SLC15A1: variants seen among roughly 807,000 people sequenced by gnomAD.
SLC15A1 encodes solute carrier family 15 member 1.
SLC15A1 carries 83 observed loss-of-function variants against 92.9 expected under a neutral mutation model. That is an observed-to-expected ratio of 0.89 (90% CI 0.75 to 1.07). The LOEUF (loss-of-function observed/expected upper bound fraction) is 1.07, where lower values mean the gene tolerates loss of function less well. Among genes scored for constraint, SLC15A1 ranks in the 50% least tolerant of loss-of-function variants. SLC15A1 has a pLI of 0.00. For missense variants in SLC15A1, 857 were observed against 880.1 expected (o/e 0.97, Z 0.33); for synonymous variants, 322 against 318.2 (o/e 1.01, Z -0.13).
At chr13:98,739,998 G>A (rs2088430261) in intron 1 of SLC15A1, among the ~76,000 whole-genome samples, 1 of 152,110 alleles carries the variant, frequency 6.6e-6, no homozygotes, top group Admixed American at 6.5e-5. Flanking sequence ...CCCCTCCAGG[G>A]TCAATTACAT....
intron 16 of SLC15A1, 63 bp from the exon 17 acceptor site, chr13:98,704,498 G>A (rs529725719): frequency 2.7e-5 from 39 of 1,435,734 alleles, no homozygotes; most frequent in South Asian, 4.0e-5. Flanking sequence ...GCAACTGAAC[G>A]CTGGAAGAGC....
At chr13:98,744,526 A>G (rs1412373508) in intron 1 of SLC15A1, among the ~76,000 whole-genome samples, 1 of 151,826 alleles carries the variant, frequency 6.6e-6, no homozygotes, top group Non-Finnish European at 1.5e-5. Flanking sequence ...CGAGGCGGGC[A>G]GATCATGAGG....
At chr13:98,732,201 C>T (rs2088356537) in intron 1 of SLC15A1, among the ~76,000 whole-genome samples, 1 of 152,162 alleles carries the variant, frequency 6.6e-6, no homozygotes, top group Non-Finnish European at 1.5e-5. Context: ...TGCTAGTAAA[C>T]CTCAGAGGCA....
chr13:98,720,942 C>T (rs1280803073), intron 7 of SLC15A1: 1 of 360,140 alleles, frequency 2.8e-6, no homozygotes, highest in East Asian at 7.3e-5. Context: ...GTCCCAGCTA[C>T]TCAGGAGGCT....
intron 1 of SLC15A1, among the ~76,000 whole-genome samples, chr13:98,730,352 G>A (rs1466835780): frequency 1.3e-5 from 2 of 151,722 alleles, no homozygotes; most frequent in African/African-American, 4.8e-5. Flanking sequence ...GAAATACACT[G>A]TACTGGTTTC....
At chr13:98,719,817 C>T (rs1766892073) in intron 7 of SLC15A1, among the ~76,000 whole-genome samples, 1 of 152,144 alleles carries the variant, frequency 6.6e-6, no homozygotes, top group Admixed American at 6.5e-5. Context: ...CTACTTAACC[C>T]CACCTTTGCA....
chr13:98,750,975 G>A (rs2088540539), intron 1 of SLC15A1, among the ~76,000 whole-genome samples: 2 of 151,830 alleles, frequency 1.3e-5, no homozygotes, highest in Admixed American at 1.3e-4. Context: ...GGTTGGTCTC[G>A]AACTCCTGAC....
intron 1 of SLC15A1, among the ~76,000 whole-genome samples, chr13:98,731,426 C>A (rs1488669881): frequency 1.3e-5 from 2 of 152,222 alleles, no homozygotes; most frequent in Non-Finnish European, 2.9e-5. Context: ...ACGGCAACAG[C>A]ACGTTATGCT....
intron 15 of SLC15A1, 47 bp downstream of exon 15, chr13:98,708,639 C>A (rs2088134612): frequency 6.5e-7 from 1 of 1,533,158 alleles, no homozygotes; most frequent in Non-Finnish European, 9.0e-7. Flanking sequence ...GAACGCTCCA[C>A]CTAAATCCAC....
rs148495210 is a variant in SLC15A1, at chr13:98,706,179, A to G, written c.1224T>C (p.Asn408=). 123 of 1,612,914 alleles carry G rather than the reference A, an allele frequency of 7.6e-5. No homozygotes were observed. Among genetic ancestry groups the G allele is most frequent in the Middle Eastern group, 1.7e-4 (1 of 5,990 alleles). ...TCACCATCTCTCCAGGAAGAGATAT[A>G]TTCATGGTATTGTTTCCTATATTCA... ...KVLNIGNNTM[N]ISLPGEMVTL... The change falls in exon 16 of 23, where the codon AAT becomes AAC. Residue 408 remains asparagine (N), a synonymous_variant. Coordinates refer to ENST00000376503, the MANE Select transcript of SLC15A1 (RefSeq NM_005073.4).
At position 98,706,184 on chromosome 13, in the gene SLC15A1, T is replaced by C; in HGVS notation, c.1219A>G (p.Met407Val). Residue 407 changes from methionine to valine, a missense_variant, in exon 16 of 23, where the codon ATG becomes GTG. By Grantham distance (21) the Met-to-Val change is conservative. Transcript: ENST00000376503. ...ATCTCTCCAGGAAGAGATATATTCA[T>C]GGTATTGTTTCCTATATTCAAAACT... ...IKVLNIGNNT[M>V]NISLPGEMVT... The C allele has an allele frequency of 6.2e-7, 1 of 1,613,750 alleles. No homozygotes were observed. Among genetic ancestry groups the C allele is most frequent in the Non-Finnish European group, 8.5e-7 (1 of 1,179,842 alleles).
chr13:98,733,114 G>A (rs1171761537), intron 1 of SLC15A1, among the ~76,000 whole-genome samples: 3 of 152,164 alleles, frequency 2.0e-5, no homozygotes, highest in African/African-American at 7.2e-5. Flanking sequence ...GCCTGGAGAA[G>A]CTGGAAAAGA....
chr13:98,748,925 A>G (rs2088518495), intron 1 of SLC15A1, among the ~76,000 whole-genome samples: 1 of 152,206 alleles, frequency 6.6e-6, no homozygotes, highest in Non-Finnish European at 1.5e-5. Flanking sequence ...AGCGAGCCCC[A>G]CTGCTGGAAC....
rs1038883873 is a variant in SLC15A1, at chr13:98,702,737, C to G, written c.1417-208G>C. Among the ~76,000 whole-genome samples, 11 of 152,112 alleles carry G rather than the reference C, an allele frequency of 7.2e-5. No homozygotes were observed. In the South Asian group the frequency reaches 1.0e-3, roughly 14 times the overall value. On this transcript the variant is annotated intron_variant, in intron 17 of 22. Coordinates refer to ENST00000376503, the MANE Select transcript of SLC15A1 (RefSeq NM_005073.4). ...TTGGGAGGCTAAGGCAGGAGGATCA[C>G]TTGAGCTTAGGAGTTTGAGACCAGC...
chr13:98,707,264 G>A (rs2088119790), intron 15 of SLC15A1, among the ~76,000 whole-genome samples: 1 of 152,150 alleles, frequency 6.6e-6, no homozygotes, highest in Non-Finnish European at 1.5e-5. Context: ...GCCTGTCGGG[G>A]GTGAATGGAT....
chr13:98,741,723 CA>C lies in SLC15A1; in HGVS notation c.4+10871del, dbSNP rs61421254. 5.6e-3 allele frequency among the ~76,000 whole-genome samples: 457 copies of C among 81,910 alleles called. 2 individuals carry two copies. The highest frequency in any genetic ancestry group is 0.019 in the African/African-American group (350 of 18,230). The allele number at this position is 81,910 out of a possible 152,430, so 53.7% of individuals were successfully genotyped here. ...TGGGTGACAGAGGGAGACTCCGTCTCAAAAAAAAAAAAAAAAAAAAAGGCCT... is the reference window on the plus strand; with the variant it reads ...TGGGTGACAGAGGGAGACTCCGTCTCAAAAAAAAAAAAAAAAAAAAGGCCT... On this transcript the variant is annotated intron_variant, in intron 1 of 22. Transcript: ENST00000376503.
chr13:98,700,659 T>C (rs2088059872), intron 18 of SLC15A1, among the ~76,000 whole-genome samples: 1 of 152,146 alleles, frequency 6.6e-6, no homozygotes, highest in Non-Finnish European at 1.5e-5. Flanking sequence ...ATTTTACTTG[T>C]AGATCTAGAA....
chr13:98,721,335 C>T lies in SLC15A1; in HGVS notation c.556+160G>A, dbSNP rs1288769026. On this transcript the variant is annotated intron_variant, in intron 7 of 22. Transcript: ENST00000376503. ...TAAGACAAAAAGGAGGTGAAACTCA[C>T]AGGGAAGGAAGCACTTACTCCAGAT... 7.0e-6 allele frequency: 5 copies of T among 715,282 alleles called. No individual in the cohort carries two copies. In the Admixed American group the frequency reaches 8.0e-5, roughly 11 times the overall value. The allele number at this position is 715,282 out of a possible 1,614,324, so 44.3% of individuals were successfully genotyped here. A position where few individuals can be genotyped will look rare whatever the true frequency, so the allele number is the denominator to read the frequency against.
At chr13:98,735,491 A>C (rs543375000) in intron 1 of SLC15A1, among the ~76,000 whole-genome samples, 21 of 152,372 alleles carry the variant, frequency 1.4e-4, no homozygotes, top group African/African-American at 4.3e-4. Flanking sequence ...GGCCAGGGCA[A>C]TCAGGCAAGA....
Sources: allele counts gnomAD v4.1 joint callset (sites outside exome capture counted in the v4.1 genomes callset), GRCh38; gene constraint gnomAD v4.1.1; transcripts MANE v1.5; gene names NCBI Gene and HGNC (gene_info 2026-07-23, HGNC 2026-07-21).